WTIP: variants seen among roughly 807,000 people sequenced by gnomAD.
WTIP encodes the protein Wilms tumor protein 1-interacting protein.
A neutral mutation model predicts 41.7 loss-of-function variants in WTIP; 23 were observed. The ratio of observed to expected loss-of-function variants is 0.55; its 90% CI spans 0.40 to 0.78. WTIP has a LOEUF of 0.78. WTIP is among the 30% of genes least tolerant of loss of function. WTIP has a pLI of 0.00. For synonymous variants in WTIP, 314 were observed against 269.9 expected, an observed-to-expected ratio of 1.16 and a Z score of -1.60; for missense variants, 619 against 610.5, an observed-to-expected ratio of 1.01 and a Z score of -0.15.
Position 34,494,459 on chromosome 19 carries a change from T to C in WTIP, c.1032-127T>C, listed in dbSNP as rs948721427. On this transcript the variant is annotated intron_variant, in intron 5 of 7. Transcript: ENST00000590071. ...AAGCTGTTCCCTGTCTGCCCCGAGGTGTGCACACAGGGAGAGAGGGCCTGA... is the reference window on the plus strand; with the variant it reads ...AAGCTGTTCCCTGTCTGCCCCGAGGCGTGCACACAGGGAGAGAGGGCCTGA... 28 of 827,864 alleles carry C rather than the reference T, an allele frequency of 3.4e-5. 1 individual carries two copies. The East Asian group carries it at 5.6e-4, about 17-fold the overall frequency. The allele number at this position is 827,864 out of a possible 1,614,324, so 51.3% of individuals were successfully genotyped here.
At chr19:34,486,935 AT>A (rs111775806) in intron 1 of WTIP, among the ~76,000 whole-genome samples, 47 of 145,656 alleles carry the variant, frequency 3.2e-4, no homozygotes, top group Non-Finnish European at 2.9e-4. Flanking sequence ...TTTCTTTTTA[AT>A]TTTTTTTTTT....
At chr19:34,499,949 C>G (rs993480642) in intron 7 of WTIP, among the ~76,000 whole-genome samples, 180 bp from the exon 8 acceptor site, 6 of 152,068 alleles carry the variant, frequency 3.9e-5, no homozygotes, top group African/African-American at 1.4e-4. Flanking sequence ...GATCCAGCCG[C>G]CTCAGCCTCC....
At chr19:34,494,703 G>T in intron 6 of WTIP, 66 bp downstream of exon 6, 1 of 1,556,292 alleles carries the variant, frequency 6.4e-7, no homozygotes, top group Non-Finnish European at 8.8e-7. Context: ...TGTCTAGCCT[G>T]GGTCTAGCCC....
chr19:34,492,028 A>G (rs1000537100), intron 2 of WTIP, among the ~76,000 whole-genome samples: 2 of 151,812 alleles, frequency 1.3e-5, no homozygotes, highest in Non-Finnish European at 2.9e-5. Flanking sequence ...ACTGTAGAAA[A>G]GTTTTGTCCA....
Position 34,493,752 on chromosome 19 carries a change from C to G in WTIP, c.1031+130C>G. 1.5e-6 allele frequency: 2 copies of G among 1,317,892 alleles called. No individual in the cohort carries two copies. Among genetic ancestry groups the G allele is most frequent in the Non-Finnish European group, 1.1e-6 (1 of 947,388 alleles). 81.6% of individuals were successfully genotyped at this position (1,317,892 alleles called of 1,614,324 possible). On this transcript the variant is annotated intron_variant, in intron 5 of 7. Transcript: ENST00000590071. This position sits in a 1 kb window ranked among gnomAD's most constrained non-coding sequence, Gnocchi z 4.1. ...TTTGCCTTCCGCCTCCCCTTGTACA[C>G]CTGGGCTTGGGGCAGGCATGTGTCT...
intron 7 of WTIP, among the ~76,000 whole-genome samples, chr19:34,498,921 C>T (rs1031905363): frequency 2.0e-5 from 3 of 151,518 alleles, no homozygotes; most frequent in East Asian, 3.9e-4. Flanking sequence ...AACCCCATCA[C>T]GTTTGGCTGG....
rs2145602902 is a variant in WTIP at position 34,493,493 on chromosome 19, T to C, written c.902T>C (p.Ile301Thr). ...SVCGHLIMEM[I>T]LQALGKSYHP... ...CCCCTCAGTGTGCCCCGCCCACAGATCCTGCAGGCCCTGGGCAAGTCCTAC... is the reference window on the plus strand; with the variant it reads ...CCCCTCAGTGTGCCCCGCCCACAGACCCTGCAGGCCCTGGGCAAGTCCTAC... Residue 301 changes from isoleucine (I) to threonine (T), a missense_variant and splice_region_variant, in exon 5 of 8, where the codon ATC becomes ACC. Transcript: ENST00000590071. The surrounding 1 kb of genome is among the most constrained non-coding windows in gnomAD (Gnocchi z 4.1). 1 of 1,613,414 alleles carries C rather than the reference T, an allele frequency of 6.2e-7. No individual in the cohort carries two copies.
At chr19:34,491,530 G>A (rs1397043139) in intron 2 of WTIP, among the ~76,000 whole-genome samples, 1 of 151,610 alleles carries the variant, frequency 6.6e-6, no homozygotes, top group Non-Finnish European at 1.5e-5. Context: ...TCACCATGTG[G>A]CCAGGATGGT....
rs766795425 is a variant in WTIP at position 34,493,534 on chromosome 19, C to T, written c.943C>T (p.Arg315Trp). ...LGKSYHPGCF[R>W]CSVCNECLDG... ...CAAGTCCTACCACCCAGGCTGCTTCCGGTGCTCCGTGTGCAATGAGTGCCT... is the reference window on the plus strand; with the variant it reads ...CAAGTCCTACCACCCAGGCTGCTTCTGGTGCTCCGTGTGCAATGAGTGCCT... Residue 315 changes from arginine (R) to tryptophan (W), a missense_variant, in exon 5 of 8, where the codon CGG becomes TGG. Transcript: ENST00000590071. This position sits in a 1 kb window ranked among gnomAD's most constrained non-coding sequence, Gnocchi z 4.1. The T allele has an allele frequency of 3.9e-5, 63 of 1,613,588 alleles. No individual in the cohort carries two copies. The highest frequency in any genetic ancestry group is 5.2e-5 in the Non-Finnish European group (61 of 1,179,890).
In WTIP at chr19:34,503,034, C is replaced by G. The variant is rs1012417481; in HGVS notation, c.*2765C>G. On this transcript the variant is annotated 3_prime_UTR_variant, in exon 8 of 8. Transcript: ENST00000590071. ...TGCTTATATCCATGGGGTTGCTTCACTGAACCCTGCTCCATCCCGGTCACC... is the reference window on the plus strand; with the variant it reads ...TGCTTATATCCATGGGGTTGCTTCAGTGAACCCTGCTCCATCCCGGTCACC... The G allele has an allele frequency of 1.3e-5, 2 of 152,400 alleles. No homozygotes were observed. The highest frequency in any genetic ancestry group is 2.9e-5 in the Non-Finnish European group (2 of 68,190). The allele number at this position is 152,400 out of a possible 1,614,324, so 9.4% of individuals were successfully genotyped here.
chr19:34,482,881 C>T (rs570189386), intron 1 of WTIP, among the ~76,000 whole-genome samples: 2 of 152,222 alleles, frequency 1.3e-5, no homozygotes, highest in African/African-American at 2.4e-5. Context: ...CCCCGACACA[C>T]GAGGGGTTCT....
At position 34,499,756 on chromosome 19, in the gene WTIP, A is replaced by G. The variant is rs571496633; in HGVS notation, c.1153-373A>G. 5.9e-4 allele frequency among the ~76,000 whole-genome samples: 89 copies of G among 151,644 alleles called. 1 individual carries two copies. The highest frequency in any genetic ancestry group is 2.1e-3 in the African/African-American group (87 of 41,316). Reference sequence around the variant, plus strand: ...CTGTTGTCACCCAGGCTGGAATGCAATGGCAGGCTCTCTGCTCTCTGCAAC... The same window carrying G: ...CTGTTGTCACCCAGGCTGGAATGCAGTGGCAGGCTCTCTGCTCTCTGCAAC... On this transcript the variant is annotated intron_variant, in intron 7 of 7. Transcript: ENST00000590071.
chr19:34,489,774 A>G (rs1259105443), intron 1 of WTIP, among the ~76,000 whole-genome samples: 1 of 152,110 alleles, frequency 6.6e-6, no homozygotes, highest in Non-Finnish European at 1.5e-5. Context: ...CTGTCTCTAC[A>G]AAAGAAAAAA....
intron 1 of WTIP, among the ~76,000 whole-genome samples, chr19:34,483,559 AACCGTGCCAGTC>A (rs1288401526): frequency 3.3e-5 from 5 of 152,140 alleles, no homozygotes; most frequent in African/African-American, 1.2e-4. Context: ...GGGAGAGGGG[AACCGTGCCAGTC>A]ACACGGGGCT....
At position 34,503,619 on chromosome 19, in the gene WTIP, G is replaced by A. The variant is rs1279549847; in HGVS notation, c.*3350G>A. ...TGCTGACACCTGTGCCTGTGCCTGG[G>A]GTCCCTGTCATCCTTCCCTGGTCTG... On this transcript the variant is annotated 3_prime_UTR_variant, in exon 8 of 8. Transcript: ENST00000590071. 6.5e-6 allele frequency: 1 copy of A among 152,766 alleles called. No homozygotes were observed. Among genetic ancestry groups the A allele is most frequent in the Non-Finnish European group, 1.5e-5 (1 of 68,512 alleles). The allele number at this position is 152,766 out of a possible 1,614,324, so 9.5% of individuals were successfully genotyped here.
chr19:34,500,202 G>C lies in WTIP; in HGVS notation c.1226G>C (p.Arg409Pro). The C allele has an allele frequency of 6.2e-7, 1 of 1,605,616 alleles. No homozygotes were observed. Among genetic ancestry groups the C allele is most frequent in the Non-Finnish European group, 8.5e-7 (1 of 1,179,652 alleles). ...YPLAGHLLCR[R>P]CHLRRLQPGP... ...CTGGCGGGCCACCTACTGTGTCGTC[G>C]TTGCCACCTGCGGCGCCTCCAACCT... is the stretch of plus-strand genomic sequence containing the variant. The change falls in exon 8 of 8, where the codon CGT (arginine) becomes CCT (proline). Residue 409 changes from arginine to proline, a missense_variant. Coordinates refer to ENST00000590071, the MANE Select transcript of WTIP (RefSeq NM_001080436.2).
Position 34,482,538 on chromosome 19 carries a change from C to T in WTIP, c.564C>T (p.Pro188=). ...APFPLPALPL[P]PGREGGPSAA... ...TCCCGCTGCCTGCACTCCCGCTGCCCCCTGGCCGGGAGGGCGGCCCAAGCG... is the reference window on the plus strand; with the variant it reads ...TCCCGCTGCCTGCACTCCCGCTGCCTCCTGGCCGGGAGGGCGGCCCAAGCG... The change falls in exon 1 of 8, where the codon CCC becomes CCT. Residue 188 remains proline, a synonymous_variant. Transcript: ENST00000590071. 8.1e-7 allele frequency: 1 copy of T among 1,228,156 alleles called. No homozygotes were observed. The highest frequency in any genetic ancestry group is 1.0e-6 in the Non-Finnish European group (1 of 986,648). 76.1% of individuals were successfully genotyped at this position (1,228,156 alleles called of 1,614,324 possible). A position where few individuals can be genotyped will look rare whatever the true frequency, so the allele number is the denominator to read the frequency against.
chr19:34,488,452 A>G (rs948894315), intron 1 of WTIP, among the ~76,000 whole-genome samples: 1 of 151,976 alleles, frequency 6.6e-6, no homozygotes, highest in East Asian at 2.0e-4. Context: ...TGCAGCCTCA[A>G]ACTCCCAGGC....
rs2075919576 is a variant in WTIP, at chr19:34,507,997, A to T, written c.*7728A>T. 6.6e-6 allele frequency: 1 copy of T among 152,150 alleles called. No homozygotes were observed. Among genetic ancestry groups the T allele is most frequent in the Non-Finnish European group, 1.5e-5 (1 of 68,042 alleles). The allele number at this position is 152,150 out of a possible 1,614,324, so 9.4% of individuals were successfully genotyped here. A position where few individuals can be genotyped will look rare whatever the true frequency, so the allele number is the denominator to read the frequency against. On this transcript the variant is annotated 3_prime_UTR_variant, in exon 8 of 8. Transcript: ENST00000590071. Reference sequence around the variant, plus strand: ...CACCAGGCTCTCTTTCAGTCACAGCATCTTCCTCCTGCTCCATGTGGTTGA... The same window carrying T: ...CACCAGGCTCTCTTTCAGTCACAGCTTCTTCCTCCTGCTCCATGTGGTTGA...
Sources: allele counts gnomAD v4.1 joint callset (sites outside exome capture counted in the v4.1 genomes callset), GRCh38; gene constraint gnomAD v4.1.1; non-coding constraint Gnocchi (gnomAD v3.1); transcripts MANE v1.5; gene names NCBI Gene and HGNC (gene_info 2026-07-23, HGNC 2026-07-21).